The following GABPA variants were observed in gnomAD, a reference collection of about 807,000 sequenced individuals.
GABPA encodes the protein GA binding protein transcription factor subunit alpha, also known as GA-binding protein alpha chain.
GABPA carries 4 observed loss-of-function variants against 59.4 expected under a neutral mutation model. The ratio of observed to expected loss-of-function variants is 0.07; its 90% confidence interval spans 0.03 to 0.15. The LOEUF (loss-of-function observed/expected upper bound fraction) is 0.15. Among genes scored for constraint, GABPA ranks in the 10% least tolerant of loss-of-function variants. The probability of loss-of-function intolerance (pLI) is 1.00; values close to 1 mark genes in which losing one functional copy is unlikely to be tolerated. For synonymous variants in GABPA, 164 were observed against 183.1 expected (o/e 0.90, Z 0.84); for missense variants, 251 against 543.8 (o/e 0.46, Z 5.36).
chr21:25,739,619 T>G (rs1408331729), intron 1 of GABPA, among the ~76,000 whole-genome samples: 1 of 152,126 alleles, frequency 6.6e-6, no homozygotes, highest in Non-Finnish European at 1.5e-5. Flanking sequence ...CCTTCTACTT[T>G]TATTTATTTG....
At chr21:25,741,130 TTTTC>T (rs2035210548) in intron 1 of GABPA, among the ~76,000 whole-genome samples, 2 of 152,122 alleles carry the variant, frequency 1.3e-5, no homozygotes, top group South Asian at 4.1e-4. Context: ...CATTTGTGGA[TTTTC>T]TTTATTTTAT....
chr21:25,761,244 C>A (rs1463450440), intron 6 of GABPA, among the ~76,000 whole-genome samples: 2 of 152,072 alleles, frequency 1.3e-5, no homozygotes, highest in African/African-American at 4.8e-5. Flanking sequence ...TTTCTTTAAT[C>A]CTCACAATAA....
chr21:25,735,774 G>A, intron 1 of GABPA, 196 bp downstream of exon 1: 1 of 151,060 alleles, frequency 6.6e-6, no homozygotes, highest in Non-Finnish European at 1.5e-5. Flanking sequence ...AGCTGTGCGG[G>A]GAGCGAAGGG....
At chr21:25,747,911 T>TTTTTG (rs146994787) in intron 3 of GABPA, among the ~76,000 whole-genome samples, 1 of 152,146 alleles carries the variant, frequency 6.6e-6, no homozygotes, top group Non-Finnish European at 1.5e-5. Context: ...ACAAGGTTTT[T>TTTTTG]TTTTGTTTTG....
intron 5 of GABPA, among the ~76,000 whole-genome samples, chr21:25,755,375 A>G (rs755978952): frequency 2.7e-5 from 4 of 148,204 alleles, no homozygotes; most frequent in Non-Finnish European, 6.0e-5. Flanking sequence ...GCTTGAGGCT[A>G]TAGAGAGCTT....
intron 3 of GABPA, among the ~76,000 whole-genome samples, chr21:25,746,461 T>C (rs2035368123): frequency 6.6e-6 from 1 of 152,240 alleles, no homozygotes; most frequent in Admixed American, 6.5e-5. Context: ...TTATTAGTTT[T>C]TTAAAAATTC....
At chr21:25,764,874 T>G in intron 9 of GABPA, 87 bp downstream of exon 9, 1 of 855,982 alleles carries the variant, frequency 1.2e-6, no homozygotes, top group Non-Finnish European at 1.7e-6. Flanking sequence ...TAAGCATTGT[T>G]ATGTAATGAT....
rs771751092 is a variant in GABPA at position 25,758,017 on chromosome 21, A to G, written c.561A>G (p.Ile187Met). The G allele has an allele frequency of 1.9e-6, 3 of 1,571,760 alleles. No individual in the cohort carries two copies. Among genetic ancestry groups the G allele is most frequent in the Non-Finnish European group, 2.6e-6 (3 of 1,162,852 alleles). ...GAATATTTTTCTTTCTAGATCCCATACAGTGGTCCACAGACCAAGTCCTGC... is the reference window on the plus strand; with the variant it reads ...GAATATTTTTCTTTCTAGATCCCATGCAGTGGTCCACAGACCAAGTCCTGC... Reference protein sequence around the residue: ...QERLGIPYDPIQWSTDQVLHW... With the variant: ...QERLGIPYDPMQWSTDQVLHW... The change falls in exon 6 of 10, where the codon ATA becomes ATG. Residue 187 changes from isoleucine (I) to methionine (M), a missense_variant. Physicochemically the swap from Ile to Met is conservative, Grantham distance 10. Around this residue, in one of 4 missense-constraint regions of GABPA, gnomAD observed 207 missense variants for 366.7 expected, o/e 0.56. Transcript: ENST00000400075.
At chr21:25,766,831 C>G (rs1206404333) in intron 9 of GABPA, among the ~76,000 whole-genome samples, 1 of 151,932 alleles carries the variant, frequency 6.6e-6, no homozygotes, top group East Asian at 1.9e-4. Context: ...TACACATGTT[C>G]ATAGCAGATT....
intron 4 of GABPA, 44 bp from the exon 5 acceptor site, chr21:25,751,945 G>A (rs1370081701): frequency 6.3e-7 from 1 of 1,595,806 alleles, no homozygotes; most frequent in Non-Finnish European, 8.6e-7. Context: ...GGTGACTTCT[G>A]CGTTTTCATT....
At chr21:25,751,680 T>A (rs917759559) in intron 4 of GABPA, among the ~76,000 whole-genome samples, 5 of 152,070 alleles carry the variant, frequency 3.3e-5, no homozygotes, top group African/African-American at 1.2e-4. Context: ...TAATTTTTAT[T>A]TTTATTTATC....
chr21:25,747,412 T>C (rs959062313), intron 3 of GABPA, among the ~76,000 whole-genome samples: 1 of 152,182 alleles, frequency 6.6e-6, no homozygotes, highest in African/African-American at 2.4e-5. Context: ...CAGAAAATAA[T>C]AGTTGGATAA....
At chr21:25,757,921 G>A (rs1465397265) in intron 5 of GABPA, 89 bp from the exon 6 acceptor site, 2 of 438,276 alleles carry the variant, frequency 4.6e-6, no homozygotes, top group African/African-American at 2.3e-5. Context: ...GAAAACATCT[G>A]TGTGTATGTG....
chr21:25,753,618 A>T lies in GABPA; in HGVS notation c.553+1384A>T, dbSNP rs1200332899. Among the ~76,000 whole-genome samples, 5 of 152,326 alleles carry T rather than the reference A, an allele frequency of 3.3e-5. No homozygotes were observed. In the East Asian group the frequency reaches 9.6e-4, roughly 29 times the overall value. On this transcript the variant is annotated intron_variant, in intron 5 of 9. Transcript: ENST00000400075. ...TGCTGACTGATATCTATTAAATTTGATGATCAGAGGATTATTCTTAAATTT... is the reference window on the plus strand; with the variant it reads ...TGCTGACTGATATCTATTAAATTTGTTGATCAGAGGATTATTCTTAAATTT...
intron 5 of GABPA, among the ~76,000 whole-genome samples, chr21:25,754,639 G>C (rs962221798): frequency 1.3e-5 from 2 of 151,848 alleles, no homozygotes; most frequent in African/African-American, 4.8e-5. Flanking sequence ...CTTTTAAAAA[G>C]CTTTACCGTG....
rs761998620 is a variant in GABPA, at chr21:25,772,381, T to A, written c.*3149T>A. 2.0e-5 allele frequency: 3 copies of A among 152,142 alleles called. No individual in the cohort carries two copies. Among genetic ancestry groups the A allele is most frequent in the Non-Finnish European group, 4.4e-5 (3 of 67,976 alleles). The allele number at this position is 152,142 out of a possible 1,614,324, so 9.4% of individuals were successfully genotyped here. On this transcript the variant is annotated 3_prime_UTR_variant, in exon 10 of 10. Coordinates refer to ENST00000400075, the MANE Select transcript of GABPA (RefSeq NM_002040.4). ...TTGTAATTTTACATAAAACAGTTAT[T>A]TTCTATTTTTACGCAGATAAATATT...
chr21:25,746,144 TG>T (rs755624296), intron 3 of GABPA, among the ~76,000 whole-genome samples: 5 of 152,032 alleles, frequency 3.3e-5, no homozygotes, highest in Non-Finnish European at 7.4e-5. Flanking sequence ...CCTGAGTAGC[TG>T]GGACTACTAC....
chr21:25,744,042 C>CAAAAAA (rs1182340915), intron 2 of GABPA, among the ~76,000 whole-genome samples: 1 of 71,870 alleles, frequency 1.4e-5, no homozygotes, highest in African/African-American at 5.5e-5. Context: ...GACTCTGTCT[C>CAAAAAA]AAAAAAAAAA....
chr21:25,741,164 G>A (rs1391203687), intron 1 of GABPA, among the ~76,000 whole-genome samples: 2 of 152,106 alleles, frequency 1.3e-5, no homozygotes, highest in Non-Finnish European at 2.9e-5. Flanking sequence ...AGGGTCTCTT[G>A]TCGCCCATAC....
Sources: allele counts gnomAD v4.1 joint callset (sites outside exome capture counted in the v4.1 genomes callset), GRCh38; gene constraint gnomAD v4.1.1; regional missense constraint gnomAD v4.1.1; transcripts MANE v1.5; gene names NCBI Gene and HGNC (gene_info 2026-07-23, HGNC 2026-07-21).